The following CNTNAP4 variants were observed in gnomAD, a reference collection of about 807,000 sequenced individuals.
CNTNAP4 encodes the protein contactin-associated protein-like 4.
A neutral mutation model predicts 148.4 loss-of-function variants in CNTNAP4; 98 were observed. The observed-to-expected ratio is 0.66, with a 90% CI of 0.56 to 0.78. The LOEUF (loss-of-function observed/expected upper bound fraction) is 0.78. Ranked by LOEUF, CNTNAP4 falls within the 30% of genes least tolerant of loss-of-function variation. The pLI, the probability that CNTNAP4 is intolerant of heterozygous loss-of-function variation, is 0.00. For synonymous variants in CNTNAP4, 730 were observed against 565.1 expected (o/e 1.29, Z -4.14); for missense variants, 1,935 against 1,565.6 (o/e 1.24, Z -3.98).
intron 1 of CNTNAP4, among the ~76,000 whole-genome samples, chr16:76,285,129 A>T (rs1958829468): frequency 6.6e-6 from 1 of 151,964 alleles, no homozygotes; most frequent in South Asian, 2.1e-4. Flanking sequence ...GAACATTGGT[A>T]TTTGGAAGAG....
rs549409268 is a variant in CNTNAP4 at position 76,559,747 on chromosome 16, A to G, written c.*1064A>G. Among the ~76,000 whole-genome samples the G allele has an allele frequency of 5.5e-4, 83 of 152,288 alleles. No homozygotes were observed. The Middle Eastern group carries it at 0.01, about 19-fold the overall frequency. ...CCAAAAAAGAGACAAATTGAAGTAT[A>G]GAGCCCCATTTCCCATTCTGAAACA... On this transcript the variant is annotated 3_prime_UTR_variant, in exon 24 of 24. Coordinates refer to ENST00000611870, the MANE Select transcript of CNTNAP4 (RefSeq NM_033401.5).
rs1224817797 is a variant in CNTNAP4 at position 76,427,669 on chromosome 16, C to G, written c.538+70C>G. The G allele has an allele frequency of 2.2e-6, 3 of 1,392,432 alleles. No homozygotes were observed. In the East Asian group the frequency reaches 7.4e-5, roughly 35 times the overall value. The allele number at this position is 1,392,432 out of a possible 1,614,324, so 86.3% of individuals were successfully genotyped here. A position where few individuals can be genotyped will look rare whatever the true frequency, so the allele number is the denominator to read the frequency against. On this transcript the variant is annotated intron_variant, in intron 4 of 23. Transcript: ENST00000611870. ...GATGTTTTAAAAGCCAAACTACAAA[C>G]TGAAATGGACTTTTTAGCTACATAA...
intron 11 of CNTNAP4, among the ~76,000 whole-genome samples, chr16:76,478,106 AT>A (rs1333917610): frequency 6.6e-6 from 1 of 150,862 alleles, no homozygotes; most frequent in Admixed American, 6.7e-5. Flanking sequence ...TTAAACAGTC[AT>A]GTTTTAAAAA....
Position 76,395,105 on chromosome 16 carries a change from A to G in CNTNAP4, c.391-32347A>G, listed in dbSNP as rs796555243. Among the ~76,000 whole-genome samples, 48 of 152,292 alleles carry G rather than the reference A, an allele frequency of 3.2e-4. 1 individual carries two copies. The highest frequency in any genetic ancestry group is 1.2e-3 in the African/African-American group (48 of 41,560). On this transcript the variant is annotated intron_variant, in intron 3 of 23. Transcript: ENST00000611870. Reference sequence around the variant, plus strand: ...GCAAAACGTGACTCTCCCAATGACCATCATGACAATCAATGGAAGCCAATT... The same window carrying G: ...GCAAAACGTGACTCTCCCAATGACCGTCATGACAATCAATGGAAGCCAATT...
rs968303933 is a variant in CNTNAP4, at chr16:76,396,651, T to G, written c.391-30801T>G. ...ATTGCTTATATTCAATAGTAAAACA[T>G]CATCCTCACTCACAGCTGACAGTGG... On this transcript the variant is annotated intron_variant, in intron 3 of 23. Coordinates refer to ENST00000611870, the MANE Select transcript of CNTNAP4 (RefSeq NM_033401.5). Among the ~76,000 whole-genome samples the G allele has an allele frequency of 1.8e-4, 27 of 151,566 alleles. 1 individual carries two copies. The highest frequency in any genetic ancestry group is 2.1e-4 in the South Asian group (1 of 4,666).
At chr16:76,492,949 C>CTT (rs5817996) in intron 13 of CNTNAP4, among the ~76,000 whole-genome samples, 23,549 of 148,554 alleles carry the variant, frequency 0.16, 2,305 homozygotes, top group Admixed American at 0.29. Context: ...TGCTTGCACA[C>CTT]TTTTTTTTTT....
At chr16:76,284,884 G>C (rs1958821185) in intron 1 of CNTNAP4, among the ~76,000 whole-genome samples, 1 of 152,026 alleles carries the variant, frequency 6.6e-6, no homozygotes, top group African/African-American at 2.4e-5. Flanking sequence ...TGTTGGTAAA[G>C]ACCAATCTGA....
At chr16:76,492,949 CTT>C (rs5817996) in intron 13 of CNTNAP4, among the ~76,000 whole-genome samples, 2 of 148,600 alleles carry the variant, frequency 1.3e-5, no homozygotes, top group Non-Finnish European at 1.5e-5. Flanking sequence ...TGCTTGCACA[CTT>C]TTTTTTTTTT....
At chr16:76,465,390 T>C (rs983395043) in intron 9 of CNTNAP4, among the ~76,000 whole-genome samples, 2 of 152,188 alleles carry the variant, frequency 1.3e-5, no homozygotes, top group African/African-American at 4.8e-5. Flanking sequence ...TTGAACATTG[T>C]AGCTAGGAAT....
At chr16:76,332,904 G>A (rs1312645205) in intron 2 of CNTNAP4, among the ~76,000 whole-genome samples, 3 of 152,262 alleles carry the variant, frequency 2.0e-5, no homozygotes, top group South Asian at 2.1e-4. Flanking sequence ...AGTGGGAGCA[G>A]GTTAGTGGTA....
intron 15 of CNTNAP4, among the ~76,000 whole-genome samples, chr16:76,515,279 A>G (rs2083203706): frequency 6.6e-6 from 1 of 152,190 alleles, no homozygotes; most frequent in South Asian, 2.1e-4. Flanking sequence ...TACGTACTAA[A>G]TTGTTTTCCC....
chr16:76,362,865 A>C (rs1008323234), intron 3 of CNTNAP4, among the ~76,000 whole-genome samples: 1 of 152,182 alleles, frequency 6.6e-6, no homozygotes, highest in Admixed American at 6.5e-5. Context: ...CAATTTGCCT[A>C]TATAACAAAC....
intron 2 of CNTNAP4, among the ~76,000 whole-genome samples, chr16:76,339,410 C>A (rs1025840965): frequency 2.0e-5 from 3 of 151,758 alleles, no homozygotes; most frequent in African/African-American, 7.3e-5. Flanking sequence ...AATCTAAACA[C>A]CACATTAATT....
Position 76,301,035 on chromosome 16 carries a change from A to G in CNTNAP4, c.86-15378A>G, listed in dbSNP as rs9673549. Among the ~76,000 whole-genome samples, 1,336 of 152,130 alleles carry G rather than the reference A, an allele frequency of 8.8e-3. 17 individuals carry two copies. Among genetic ancestry groups the G allele is most frequent in the African/African-American group, 0.03 (1,247 of 41,502 alleles). ...TACTTGGTCAGTTTAACAGTATTTT[A>G]TAGGAACTAACATGGAAATTATAAC... is the stretch of plus-strand genomic sequence containing the variant. On this transcript the variant is annotated intron_variant, in intron 1 of 23. Transcript: ENST00000611870.
At position 76,427,337 on chromosome 16, in the gene CNTNAP4, G is replaced by C. The variant is rs1224141733; in HGVS notation, c.391-115G>C. 17 of 770,238 alleles carry C rather than the reference G, an allele frequency of 2.2e-5. No homozygotes were observed. In the Admixed American group the frequency reaches 4.7e-4, roughly 21 times the overall value. The allele number at this position is 770,238 out of a possible 1,614,324, so 47.7% of individuals were successfully genotyped here. On this transcript the variant is annotated intron_variant, in intron 3 of 23. Transcript: ENST00000611870. The stretch of plus-strand genomic sequence containing the variant: ...TGTTAATGTGATTTTCTTATAGAAG[G>C]TAGCACCATTCATAGTAAAATGCAG...
chr16:76,418,468 A>G (rs1378421770), intron 3 of CNTNAP4, among the ~76,000 whole-genome samples: 2 of 150,026 alleles, frequency 1.3e-5, no homozygotes, highest in Non-Finnish European at 3.0e-5. Context: ...TGTTGGTTGT[A>G]TTGAATCTGT....
chr16:76,483,462 GAC>G (rs1273016915), intron 12 of CNTNAP4, among the ~76,000 whole-genome samples: 1 of 152,168 alleles, frequency 6.6e-6, no homozygotes, highest in Non-Finnish European at 1.5e-5. Flanking sequence ...TCAGGTTAAA[GAC>G]ACCTTATTTA....
chr16:76,383,902 T>C (rs774616727), intron 3 of CNTNAP4, among the ~76,000 whole-genome samples: 2 of 152,206 alleles, frequency 1.3e-5, no homozygotes, highest in Non-Finnish European at 2.9e-5. Flanking sequence ...TTCTGTTCTC[T>C]CTACTTGGTT....
At chr16:76,428,747 G>A (rs56099821) in intron 4 of CNTNAP4, among the ~76,000 whole-genome samples, 3,322 of 152,028 alleles carry the variant, frequency 0.022, 114 homozygotes, top group African/African-American at 0.077. Context: ...AATATTAATA[G>A]CAATAATAGC....
Sources: gnomAD v4.1 joint callset for allele counts (sites outside exome capture counted in the v4.1 genomes callset) on GRCh38, gnomAD v4.1.1 for gene constraint, MANE v1.5 for transcripts, NCBI Gene and HGNC (gene_info 2026-07-23, HGNC 2026-07-21) for gene names.